Variants in FCHSD2 observed in about 807,000 individuals in gnomAD.
FCHSD2 encodes F-BAR and double SH3 domains protein 2.
Under a neutral mutation model 108.1 loss-of-function variants are expected in FCHSD2, and 38 were observed. The ratio of observed to expected loss-of-function variants is 0.35; its 90% CI spans 0.27 to 0.46. The LOEUF is 0.46. Among genes scored for constraint, FCHSD2 ranks in the 20% least tolerant of loss-of-function variants. The probability of loss-of-function intolerance (pLI) is 1.00; values close to 1 mark genes in which losing one functional copy is unlikely to be tolerated. For synonymous variants in FCHSD2, 279 were observed against 314.7 expected (o/e 0.89, Z 1.20); for missense variants, 751 against 897.8 (o/e 0.84, Z 2.09).
chr11:72,982,464 A>G (rs1857232151), intron 8 of FCHSD2, among the ~76,000 whole-genome samples: 1 of 152,252 alleles, frequency 6.6e-6, no homozygotes, highest in African/African-American at 2.4e-5. Context: ...GAAAATAAGA[A>G]AAAACAAAAT....
intron 8 of FCHSD2, among the ~76,000 whole-genome samples, chr11:72,937,163 C>T (rs922779902): frequency 6.6e-6 from 1 of 152,142 alleles, no homozygotes; most frequent in African/African-American, 2.4e-5. Flanking sequence ...GGACCAAAGG[C>T]TTGATGAAGG....
At chr11:72,900,796 A>G (rs1450332806) in intron 10 of FCHSD2, among the ~76,000 whole-genome samples, 2 of 152,224 alleles carry the variant, frequency 1.3e-5, no homozygotes, top group African/African-American at 4.8e-5. Flanking sequence ...AGTAATGAAG[A>G]TATCGCTGGC....
At chr11:73,076,547 A>G (rs1010632288) in intron 3 of FCHSD2, among the ~76,000 whole-genome samples, 1 of 152,174 alleles carries the variant, frequency 6.6e-6, no homozygotes, top group Non-Finnish European at 1.5e-5. Context: ...AAAAGTAGAG[A>G]CTGACTTCAA....
intron 3 of FCHSD2, among the ~76,000 whole-genome samples, chr11:73,023,428 T>C (rs1470730502): frequency 1.3e-5 from 2 of 152,056 alleles, no homozygotes; most frequent in Admixed American, 1.3e-4. Flanking sequence ...CAAACAAGCA[T>C]ATGAAAAGAA....
chr11:73,141,948 G>A lies in FCHSD2; in HGVS notation c.-71C>T. 1.4e-6 allele frequency: 2 copies of A among 1,462,008 alleles called. No individual in the cohort carries two copies. The highest frequency in any genetic ancestry group is 1.8e-6 in the Non-Finnish European group (2 of 1,082,000). The allele number at this position is 1,462,008 out of a possible 1,614,324, so 90.6% of individuals were successfully genotyped here. ...GACCAGGAGGAGGAGGAGGGCCGGAGAGGAGGGGACGGCCCAGCGAGCGCG... is the reference window on the plus strand; with the variant it reads ...GACCAGGAGGAGGAGGAGGGCCGGAAAGGAGGGGACGGCCCAGCGAGCGCG... On this transcript the variant is annotated 5_prime_UTR_variant, in exon 1 of 20. Transcript: ENST00000409418.
At chr11:73,033,233 A>T (rs1478295647) in intron 3 of FCHSD2, among the ~76,000 whole-genome samples, 1 of 151,462 alleles carries the variant, frequency 6.6e-6, no homozygotes, top group African/African-American at 2.4e-5. Context: ...GGTTGCAGTG[A>T]GCTGAGATCG....
chr11:73,109,869 C>G (rs1860440753), intron 2 of FCHSD2, among the ~76,000 whole-genome samples: 1 of 152,076 alleles, frequency 6.6e-6, no homozygotes, highest in Non-Finnish European at 1.5e-5. Flanking sequence ...GAGGTATGTT[C>G]CTTCTATACC....
At chr11:73,112,603 C>A (rs1326521927) in intron 2 of FCHSD2, among the ~76,000 whole-genome samples, 1 of 152,104 alleles carries the variant, frequency 6.6e-6, no homozygotes, top group Admixed American at 6.6e-5. Flanking sequence ...CTCCCTGCCT[C>A]CTCTTTAAGG....
At chr11:72,931,674 A>T (rs1325145776) in intron 8 of FCHSD2, among the ~76,000 whole-genome samples, 1 of 151,912 alleles carries the variant, frequency 6.6e-6, no homozygotes, top group African/African-American at 2.4e-5. Context: ...TTGAGTTAGG[A>T]GAATTGCTTG....
At chr11:73,054,837 CAT>C (rs1168898629) in intron 3 of FCHSD2, among the ~76,000 whole-genome samples, 2 of 152,140 alleles carry the variant, frequency 1.3e-5, no homozygotes, top group African/African-American at 4.8e-5. Flanking sequence ...GGCCTGGTGG[CAT>C]GTGCCTGTAA....
chr11:72,867,807 G>T, intron 13 of FCHSD2, 58 bp downstream of exon 13: 1 of 1,473,792 alleles, frequency 6.8e-7, no homozygotes, highest in Non-Finnish European at 9.2e-7. Flanking sequence ...TTTGACTACA[G>T]AGTCAAAGCA....
chr11:73,091,766 G>A (rs1195529543), intron 2 of FCHSD2, among the ~76,000 whole-genome samples: 2 of 152,008 alleles, frequency 1.3e-5, no homozygotes, highest in East Asian at 1.9e-4. Flanking sequence ...GATGCTGGGC[G>A]TGGTGGCTCA....
chr11:73,057,014 C>T (rs1471840567), intron 3 of FCHSD2, among the ~76,000 whole-genome samples: 3 of 150,190 alleles, frequency 2.0e-5, no homozygotes, highest in Non-Finnish European at 4.4e-5. Flanking sequence ...ACCCAGGAGG[C>T]GGAGCTTGCA....
chr11:72,925,588 T>G (rs375114793), intron 8 of FCHSD2, among the ~76,000 whole-genome samples: 16 of 152,220 alleles, frequency 1.1e-4, no homozygotes, highest in African/African-American at 3.6e-4. Context: ...AGAAGGAATT[T>G]GTTGCCACGG....
At chr11:73,067,202 G>C (rs1361645922) in intron 3 of FCHSD2, among the ~76,000 whole-genome samples, 1 of 152,154 alleles carries the variant, frequency 6.6e-6, no homozygotes, top group Non-Finnish European at 1.5e-5. Context: ...GATGAAGCTG[G>C]AAACCATCAT....
At chr11:72,926,962 T>C (rs1419669984) in intron 8 of FCHSD2, among the ~76,000 whole-genome samples, 1 of 152,210 alleles carries the variant, frequency 6.6e-6, no homozygotes, top group Non-Finnish European at 1.5e-5. Flanking sequence ...AGTACCTAAC[T>C]ACTTATATGA....
Position 72,848,267 on chromosome 11 carries a change from GCCCCTCTGTTCT to G in FCHSD2, c.1443+1476_1443+1487del, listed in dbSNP as rs1367954812. The stretch of plus-strand genomic sequence containing the variant: ...CTGACAACAAACACCTTTATGCACA[GCCCCTCTGTTCT>G]CCCACTCCTACACCACTGAATTTAA... On this transcript the variant is annotated intron_variant, in intron 14 of 19. Transcript: ENST00000409418. Among the ~76,000 whole-genome samples, 5 of 152,184 alleles carry G rather than the reference GCCCCTCTGTTCT, an allele frequency of 3.3e-5. No homozygotes were observed. The East Asian group carries it at 7.7e-4, about 23-fold the overall frequency.
At position 73,133,367 on chromosome 11, in the gene FCHSD2, A is replaced by G. The variant is rs140926660; in HGVS notation, c.119+6664T>C. Among the ~76,000 whole-genome samples the G allele has an allele frequency of 1.1e-4, 17 of 152,344 alleles. No individual in the cohort carries two copies. In the East Asian group the frequency reaches 2.9e-3, roughly 26 times the overall value. ...ATAGTAAAAAGTAGAAACAACCCAT[A>G]TCTCTGTCAACTGATGAAGGGATTA... On this transcript the variant is annotated intron_variant, in intron 2 of 19. Transcript: ENST00000409418.
chr11:73,070,625 C>T (rs1159773700), intron 3 of FCHSD2, among the ~76,000 whole-genome samples: 2 of 151,858 alleles, frequency 1.3e-5, no homozygotes, highest in African/African-American at 4.8e-5. Flanking sequence ...GGGGTTTCAC[C>T]ATGCTGGCCA....
Sources: gnomAD v4.1 joint callset for allele counts (sites outside exome capture counted in the v4.1 genomes callset) on GRCh38, gnomAD v4.1.1 for gene constraint, MANE v1.5 for transcripts, NCBI Gene and HGNC (gene_info 2026-07-23, HGNC 2026-07-21) for gene names.